The following PTPRD variants were observed in gnomAD, a reference collection of about 807,000 sequenced individuals.
PTPRD encodes the protein receptor-type tyrosine-protein phosphatase delta.
In PTPRD, 34 loss-of-function variants were observed where a neutral mutation model predicts 214.5. The ratio of observed to expected loss-of-function variants is 0.16; its 90% CI spans 0.12 to 0.21. The LOEUF is 0.21. PTPRD is among the 10% of genes least tolerant of loss of function. The pLI, the probability that PTPRD is intolerant of heterozygous loss-of-function variation, is 1.00. For synonymous variants in PTPRD, 1,128 were observed against 845.7 expected (o/e 1.33, Z -5.79); for missense variants, 2,545 against 2,398.7 (o/e 1.06, Z -1.27).
At chr9:9,767,733 T>C (rs575152246) in intron 5 of PTPRD, among the ~76,000 whole-genome samples, 1 of 152,108 alleles carries the variant, frequency 6.6e-6, no homozygotes, top group African/African-American at 2.4e-5. Flanking sequence ...GAGTAAAATT[T>C]TTTGCTATGA....
rs138386194 is a variant in PTPRD at position 9,842,298 on chromosome 9, A to ATTTTTTTT, written c.-367-75455_-367-75448dup. Reference sequence around the variant, plus strand: ...AACTCAAAGTCTACTGAAGGAGAGCATTTTTTTTTTTTTTTTTTTTTTTTG... The same window carrying ATTTTTTTT: ...AACTCAAAGTCTACTGAAGGAGAGCATTTTTTTTTTTTTTTTTTTTTTTTTTTTTTTTG... On this transcript the variant is annotated intron_variant, in intron 5 of 45. Coordinates refer to ENST00000381196, the MANE Select transcript of PTPRD (RefSeq NM_002839.4). Among the ~76,000 whole-genome samples, 873 of 91,400 alleles carry ATTTTTTTT rather than the reference A, an allele frequency of 9.6e-3. 6 individuals carry two copies. The highest frequency in any genetic ancestry group is 0.037 in the Middle Eastern group (3 of 80). The allele number at this position is 91,400 out of a possible 152,430, so 60.0% of individuals were successfully genotyped here. A position where few individuals can be genotyped will look rare whatever the true frequency, so the allele number is the denominator to read the frequency against.
At chr9:9,605,398 A>C (rs1169507521) in intron 7 of PTPRD, among the ~76,000 whole-genome samples, 1 of 152,068 alleles carries the variant, frequency 6.6e-6, no homozygotes, top group Non-Finnish European at 1.5e-5. Flanking sequence ...TGAAGAAATA[A>C]GTAGGGAAAA....
At chr9:9,265,699 C>A (rs982296869) in intron 9 of PTPRD, among the ~76,000 whole-genome samples, 2 of 150,320 alleles carry the variant, frequency 1.3e-5, no homozygotes, top group Non-Finnish European at 1.5e-5. Context: ...CAAAAAAAAG[C>A]AAGAATCTAT....
chr9:9,785,685 A>G (rs2382056), intron 5 of PTPRD, among the ~76,000 whole-genome samples: 99,494 of 151,884 alleles, frequency 0.66, 33,411 homozygotes, highest in Middle Eastern at 0.82. Flanking sequence ...TGGAACAGAA[A>G]AAGAATATTT....
At chr9:9,912,210 A>G (rs919366172) in intron 5 of PTPRD, among the ~76,000 whole-genome samples, 2 of 152,154 alleles carry the variant, frequency 1.3e-5, no homozygotes, top group Admixed American at 1.3e-4. Context: ...ATTTAAAATC[A>G]AAATAAAAGA....
intron 5 of PTPRD, among the ~76,000 whole-genome samples, chr9:9,868,620 C>T (rs568503138): frequency 2.6e-5 from 4 of 151,540 alleles, no homozygotes; most frequent in Admixed American, 1.3e-4. Flanking sequence ...AATCCCTGAG[C>T]GGGAGAATAC....
At chr9:8,921,765 A>C (rs568057376) in intron 11 of PTPRD, among the ~76,000 whole-genome samples, 1 of 152,252 alleles carries the variant, frequency 6.6e-6, no homozygotes, top group East Asian at 1.9e-4. Context: ...AAGTGTTGGG[A>C]TTACAGGAGT....
chr9:9,914,995 C>A (rs775471754), intron 5 of PTPRD, among the ~76,000 whole-genome samples: 1 of 152,322 alleles, frequency 6.6e-6, no homozygotes, highest in East Asian at 1.9e-4. Context: ...TTGTTGGACT[C>A]ACTGTGTGCA....
chr9:10,494,845 A>C (rs552670240), intron 2 of PTPRD, among the ~76,000 whole-genome samples: 1 of 151,554 alleles, frequency 6.6e-6, no homozygotes, highest in Admixed American at 6.6e-5. Flanking sequence ...ATTCCTAAAA[A>C]TTCTAGTATT....
At chr9:8,531,732 C>G (rs557445442) in intron 14 of PTPRD, among the ~76,000 whole-genome samples, 3 of 152,220 alleles carry the variant, frequency 2.0e-5, no homozygotes, top group East Asian at 3.9e-4. Flanking sequence ...TTTTCTTCTA[C>G]AAGTTCATCT....
intron 30 of PTPRD, among the ~76,000 whole-genome samples, chr9:8,482,650 T>C (rs1019608248): frequency 1.6e-4 from 25 of 152,214 alleles, no homozygotes; most frequent in African/African-American, 6.0e-4. Flanking sequence ...TGAAATGTTA[T>C]CATGCCACTC....
At chr9:9,279,630 T>C (rs1311982838) in intron 9 of PTPRD, among the ~76,000 whole-genome samples, 1 of 150,648 alleles carries the variant, frequency 6.6e-6, no homozygotes, top group Non-Finnish European at 1.5e-5. Context: ...GTAAAGACCA[T>C]TAAATTTATT....
chr9:9,662,635 A>C (rs150678380), intron 7 of PTPRD, among the ~76,000 whole-genome samples: 218 of 151,794 alleles, frequency 1.4e-3, no homozygotes, highest in African/African-American at 4.8e-3. Context: ...GATAGATTCT[A>C]TATGTAGGGG....
intron 2 of PTPRD, among the ~76,000 whole-genome samples, chr9:10,385,884 T>C (rs1458363734): frequency 6.6e-6 from 1 of 151,848 alleles, no homozygotes; most frequent in Non-Finnish European, 1.5e-5. Context: ...CTTTTTATGA[T>C]TATAAGAGAT....
chr9:9,368,519 C>T (rs1003538978), intron 9 of PTPRD, among the ~76,000 whole-genome samples: 4 of 151,762 alleles, frequency 2.6e-5, no homozygotes, highest in East Asian at 2.0e-4. Context: ...GGACTGATGT[C>T]CCTAGCAAAG....
intron 3 of PTPRD, among the ~76,000 whole-genome samples, chr9:10,131,812 T>A (rs1162038410): frequency 6.6e-6 from 1 of 152,160 alleles, no homozygotes; most frequent in Non-Finnish European, 1.5e-5. Context: ...AAAGGTGGAT[T>A]TGATCATTGA....
chr9:10,103,571 C>T (rs1158967694), intron 3 of PTPRD, among the ~76,000 whole-genome samples: 1 of 150,932 alleles, frequency 6.6e-6, no homozygotes, highest in Non-Finnish European at 1.5e-5. Flanking sequence ...CCCCTAAAGC[C>T]CTTTGTGGTT....
chr9:9,609,088 A>T (rs185453016), intron 7 of PTPRD, among the ~76,000 whole-genome samples: 47 of 152,278 alleles, frequency 3.1e-4, no homozygotes, highest in African/African-American at 1.1e-3. Flanking sequence ...ATTGCTTAAG[A>T]AGTGAAGAAA....
chr9:10,239,701 C>A (rs1213028311), intron 3 of PTPRD, among the ~76,000 whole-genome samples: 3 of 84,690 alleles, frequency 3.5e-5, no homozygotes, highest in Admixed American at 1.1e-4. Flanking sequence ...ACTACTGAAT[C>A]CAGAAAAAAA....
Sources: gnomAD v4.1 joint callset for allele counts (sites outside exome capture counted in the v4.1 genomes callset) on GRCh38, gnomAD v4.1.1 for gene constraint, MANE v1.5 for transcripts, NCBI Gene and HGNC (gene_info 2026-07-23, HGNC 2026-07-21) for gene names.